The following VPS13D variants were observed in gnomAD, a reference collection of about 807,000 sequenced individuals.
VPS13D encodes the protein intermembrane lipid transfer protein VPS13D.
In VPS13D, 187 loss-of-function variants were observed where a neutral mutation model predicts 461.9. The observed-to-expected ratio is 0.40, with a 90% CI of 0.36 to 0.46. The LOEUF is 0.46. Among genes scored for constraint, VPS13D ranks in the 20% least tolerant of loss-of-function variants. The pLI is 0.60. For missense variants in VPS13D, 4,711 were observed against 5,364.9 expected (o/e 0.88, Z 3.81); for synonymous variants, 1,951 against 1,986.3 (o/e 0.98, Z 0.47).
chr1:12,383,039 A>G lies in VPS13D; in HGVS notation c.11254A>G (p.Met3752Val), dbSNP rs768778350. 3.7e-6 allele frequency: 6 copies of G among 1,614,064 alleles called. No homozygotes were observed. Among genetic ancestry groups the G allele is most frequent in the Non-Finnish European group, 5.1e-6 (6 of 1,180,040 alleles). The change falls in exon 58 of 70, where the codon ATG becomes GTG. Residue 3752 changes from methionine (M) to valine (V), a missense_variant. Physicochemically the swap from Met to Val is conservative, Grantham distance 21 (BLOSUM62 1). Coordinates refer to ENST00000620676, the MANE Select transcript of VPS13D (RefSeq NM_015378.4). ...AGTTGTTCTTGGTCCTGACACTTCC[A>G]TGGAGCTTTTGGGGCCAGTTCCACC... Reference protein sequence around the residue: ...AEVVLGPDTSMELLGPVPPEQ... With the variant: ...AEVVLGPDTSVELLGPVPPEQ...
chr1:12,377,312 G>T (rs1644213076), intron 55 of VPS13D, among the ~76,000 whole-genome samples: 1 of 150,376 alleles, frequency 6.6e-6, no homozygotes, highest in Non-Finnish European at 1.5e-5. Flanking sequence ...CACCTGCCTC[G>T]GCCTCCCAAA....
chr1:12,248,987 A>G (rs142741880), intron 5 of VPS13D, among the ~76,000 whole-genome samples: 24 of 152,312 alleles, frequency 1.6e-4, no homozygotes, highest in African/African-American at 5.8e-4. Flanking sequence ...ATATTATAAC[A>G]TAACATAACA....
At chr1:12,433,031 C>T (rs548799369) in intron 65 of VPS13D, among the ~76,000 whole-genome samples, 8 of 152,254 alleles carry the variant, frequency 5.3e-5, no homozygotes, top group African/African-American at 1.7e-4. Context: ...CTTTTCTCTC[C>T]TGGTAACTTA....
chr1:12,230,170 A>AGGGCCGGCGCGGACCCGC (rs1553167672), intron 1 of VPS13D, 50 bp downstream of exon 1: 5 of 152,064 alleles, frequency 3.3e-5, no homozygotes, highest in Non-Finnish European at 5.9e-5. Context: ...CGGGAACTGC[A>AGGGCCGGCGCGGACCCGC]GGGCCGGCGC....
chr1:12,359,420 TAGCCACATGTGGCTGCTG>T (rs1323592282), intron 50 of VPS13D, among the ~76,000 whole-genome samples: 1 of 152,210 alleles, frequency 6.6e-6, no homozygotes, highest in Admixed American at 6.5e-5. Context: ...TAGTAGCCAC[TAGCCACATGTGGCTGCTG>T]AGCCCTGGAG....
In VPS13D at chr1:12,329,888, T is replaced by C; in HGVS notation, c.8257T>C (p.Ser2753Pro). The C allele has an allele frequency of 6.2e-7, 1 of 1,614,086 alleles. No individual in the cohort carries two copies. Among genetic ancestry groups the C allele is most frequent in the Non-Finnish European group, 8.5e-7 (1 of 1,179,988 alleles). Residue 2753 changes from serine to proline, a missense_variant, in exon 37 of 70, where the codon TCT becomes CCT. Ser to Pro is a moderately conservative substitution (Grantham distance 74). Around this residue, in one of 3 missense-constraint regions of VPS13D, gnomAD observed 4,411 missense variants for 4,937.8 expected, o/e 0.89. Coordinates refer to ENST00000620676, the MANE Select transcript of VPS13D (RefSeq NM_015378.4). ...TGAAGGCTATGCCCACTTCACCCTT[T>C]CTGGAGATTATTATAACCGTGCTCT... ...SPEGYAHFTL[S>P]GDYYNRALSG...
intron 52 of VPS13D, 21 bp downstream of exon 52, chr1:12,363,268 A>G (rs768778430): frequency 1.6e-5 from 26 of 1,611,688 alleles, no homozygotes; most frequent in Non-Finnish European, 2.1e-5. Flanking sequence ...GACTCTAAAT[A>G]TAGACAAAAA....
At chr1:12,377,165 T>G (rs1007944483) in intron 55 of VPS13D, among the ~76,000 whole-genome samples, 5 of 152,004 alleles carry the variant, frequency 3.3e-5, no homozygotes, top group African/African-American at 7.2e-5. Context: ...TTTCAAGTGA[T>G]TCTCCTGCCT....
intron 66 of VPS13D, among the ~76,000 whole-genome samples, chr1:12,457,759 T>G (rs979863089): frequency 2.0e-5 from 3 of 152,226 alleles, no homozygotes; most frequent in African/African-American, 7.2e-5. Flanking sequence ...ATGCCTTTGC[T>G]TTTCCTAAGG....
intron 7 of VPS13D, among the ~76,000 whole-genome samples, chr1:12,255,930 ATAAAT>A (rs754657368): frequency 1.3e-3 from 194 of 151,636 alleles, no homozygotes; most frequent in South Asian, 2.7e-3. Flanking sequence ...ATAAATAATA[ATAAAT>A]TAAAAATACT....
chr1:12,489,700 A>C (rs985773029), intron 67 of VPS13D, among the ~76,000 whole-genome samples: 1 of 152,114 alleles, frequency 6.6e-6, no homozygotes, highest in Non-Finnish European at 1.5e-5. Flanking sequence ...CACCCATGGC[A>C]CTCTAAATAA....
chr1:12,503,968 G>T (rs1259449522), intron 68 of VPS13D, among the ~76,000 whole-genome samples: 3 of 152,128 alleles, frequency 2.0e-5, no homozygotes, highest in Non-Finnish European at 4.4e-5. Flanking sequence ...AACGGAAGAA[G>T]GTGCAGCTTG....
chr1:12,285,071 A>G (rs1222797549), intron 21 of VPS13D, among the ~76,000 whole-genome samples: 3 of 152,192 alleles, frequency 2.0e-5, no homozygotes, highest in Non-Finnish European at 2.9e-5. Context: ...GGCTGGTTCT[A>G]CAAGGGAATA....
intron 65 of VPS13D, 116 bp from the exon 66 acceptor site, chr1:12,455,882 A>G: frequency 7.6e-7 from 1 of 1,321,226 alleles, no homozygotes; most frequent in Non-Finnish European, 1.0e-6. Context: ...TCACACCACT[A>G]CAGACCAGCA....
chr1:12,360,824 A>T (rs1643936129), intron 50 of VPS13D, among the ~76,000 whole-genome samples: 1 of 152,214 alleles, frequency 6.6e-6, no homozygotes, highest in Non-Finnish European at 1.5e-5. Flanking sequence ...GAATTACGGC[A>T]TTTACAGATT....
At chr1:12,289,563 C>CT (rs761225478) in intron 22 of VPS13D, among the ~76,000 whole-genome samples, 7,203 of 140,888 alleles carry the variant, frequency 0.051, 530 homozygotes, top group African/African-American at 0.17. Flanking sequence ...AGGAGATTGG[C>CT]TTTTTTTTTT....
At chr1:12,389,748 G>A (rs1644398672) in intron 60 of VPS13D, among the ~76,000 whole-genome samples, 1 of 152,140 alleles carries the variant, frequency 6.6e-6, no homozygotes, top group Non-Finnish European at 1.5e-5. Context: ...TGGTTTTGTG[G>A]GATTTTTTCC....
chr1:12,403,544 A>G (rs530757552), intron 62 of VPS13D, among the ~76,000 whole-genome samples: 1 of 152,344 alleles, frequency 6.6e-6, no homozygotes, highest in East Asian at 1.9e-4. Flanking sequence ...TGGCTTTTCC[A>G]TCTGGATGAT....
chr1:12,335,356 C>T (rs76017447), intron 38 of VPS13D, among the ~76,000 whole-genome samples: 14,935 of 152,200 alleles, frequency 0.098, 1,273 homozygotes, highest in African/African-American at 0.22. Context: ...CGTGAGCCAC[C>T]GCGTCCGGCC....
Sources: allele counts gnomAD v4.1 joint callset (sites outside exome capture counted in the v4.1 genomes callset), GRCh38; gene constraint gnomAD v4.1.1; regional missense constraint gnomAD v4.1.1; transcripts MANE v1.5; gene names NCBI Gene and HGNC (gene_info 2026-07-23, HGNC 2026-07-21).